CCDC171: variants seen among roughly 807,000 people sequenced by gnomAD.
CCDC171 encodes the protein coiled-coil domain containing 171, also known as coiled-coil domain-containing protein 171.
A neutral mutation model predicts 168.2 loss-of-function variants in CCDC171; 177 were observed. The observed-to-expected ratio is 1.05, with a 90% CI of 0.93 to 1.19. The LOEUF is 1.19. Ranked by LOEUF, CCDC171 falls within the 50% of genes most tolerant of loss-of-function variation. The pLI, the probability that CCDC171 is intolerant of heterozygous loss-of-function variation, is 0.00. For missense variants in CCDC171, 1,991 were observed against 1,539.0 expected (o/e 1.29, Z -4.91); for synonymous variants, 687 against 540.8 (o/e 1.27, Z -3.75).
chr9:15,556,746 T>G (rs1472002744), intron 1 of CCDC171, among the ~76,000 whole-genome samples: 2 of 151,718 alleles, frequency 1.3e-5, no homozygotes, highest in African/African-American at 4.8e-5. Context: ...TTAGTTTAAT[T>G]AGATCTCATT....
chr9:15,990,820 A>C (rs1832167892), intron 3 of CCDC171, among the ~76,000 whole-genome samples: 1 of 152,214 alleles, frequency 6.6e-6, no homozygotes, highest in Non-Finnish European at 1.5e-5. Context: ...AGATCAAAAG[A>C]GACAAAGAAG....
chr9:15,964,598 G>T (rs1830624891), intron 25 of CCDC171, among the ~76,000 whole-genome samples: 1 of 152,048 alleles, frequency 6.6e-6, no homozygotes, highest in African/African-American at 2.4e-5. Context: ...GGAAAAGAAA[G>T]AACAAAAGCC....
At chr9:15,675,843 G>A (rs200411515) in intron 9 of CCDC171, among the ~76,000 whole-genome samples, 11 of 151,906 alleles carry the variant, frequency 7.2e-5, no homozygotes, top group East Asian at 1.9e-4. Context: ...TCTGACAATC[G>A]TGCATCTTGG....
chr9:15,867,117 A>G (rs1186761004), intron 23 of CCDC171, among the ~76,000 whole-genome samples: 2 of 152,026 alleles, frequency 1.3e-5, no homozygotes, highest in Non-Finnish European at 1.5e-5. Context: ...ATGAATTTGC[A>G]GGTAATGTAA....
intron 1 of CCDC171, among the ~76,000 whole-genome samples, chr9:16,053,370 G>T (rs377496972): frequency 6.6e-6 from 1 of 152,218 alleles, no homozygotes; most frequent in Admixed American, 6.5e-5. Context: ...TGAGTTTTTG[G>T]TGTGGGAGGG....
Position 15,991,022 on chromosome 9 carries a change from CAG to C in CCDC171, n.369-29565_369-29564del, listed in dbSNP as rs1455599056. ...GTCAACATTAGACAGATCAACGAGA[CAG>C]AAAGTTAACAAGGATATCCAGGAAT... On this transcript the variant is annotated intron_variant and non_coding_transcript_variant, in intron 3 of 9. Transcript: ENST00000486641. 3.3e-5 allele frequency among the ~76,000 whole-genome samples: 5 copies of C among 152,152 alleles called. No homozygotes were observed. In the East Asian group the frequency reaches 7.7e-4, roughly 23 times the overall value.
intron 7 of CCDC171, among the ~76,000 whole-genome samples, chr9:15,632,373 A>T (rs1399866741): frequency 6.6e-6 from 1 of 151,966 alleles, no homozygotes; most frequent in Non-Finnish European, 1.5e-5. Flanking sequence ...CTTATACACC[A>T]ATAACAGACA....
At chr9:16,044,091 T>C (rs1034306325) in intron 1 of CCDC171, among the ~76,000 whole-genome samples, 2 of 152,164 alleles carry the variant, frequency 1.3e-5, no homozygotes, top group African/African-American at 4.8e-5. Flanking sequence ...GATCGATGTG[T>C]CTCCCCAATG....
At chr9:15,839,736 G>A (rs1251015425) in intron 21 of CCDC171, among the ~76,000 whole-genome samples, 1 of 152,116 alleles carries the variant, frequency 6.6e-6, no homozygotes. Context: ...TGTTCTGTGT[G>A]TACAAGAAAA....
intron 18 of CCDC171, chr9:15,776,435 T>C (rs1297949563): frequency 1.3e-5 from 2 of 152,246 alleles, no homozygotes; most frequent in African/African-American, 4.8e-5. Context: ...TATATTTATA[T>C]TCCTAGAAGT....
chr9:15,650,236 C>G (rs2047400896), intron 7 of CCDC171, among the ~76,000 whole-genome samples: 2 of 152,044 alleles, frequency 1.3e-5, no homozygotes, highest in African/African-American at 2.4e-5. Context: ...ACATCACACA[C>G]CGGGGCCTGT....
rs148534209 is a variant in CCDC171 at position 15,692,315 on chromosome 9, C to T, written c.1216-2920C>T. On this transcript the variant is annotated intron_variant, in intron 10 of 25. Coordinates refer to ENST00000380701, the MANE Select transcript of CCDC171 (RefSeq NM_173550.4). The stretch of plus-strand genomic sequence containing the variant: ...TTGAACCCAGGTGGTGGAGGTTGCA[C>T]TGAGCCGAGATTGTTCTACAACCTG... 1.8e-3 allele frequency among the ~76,000 whole-genome samples: 269 copies of T among 151,536 alleles called. 2 individuals carry two copies. Among genetic ancestry groups the T allele is most frequent in the African/African-American group, 6.1e-3 (252 of 41,262 alleles).
Position 15,701,515 on chromosome 9 carries a change from A to G in CCDC171, c.1318+6178A>G, listed in dbSNP as rs560579114. On this transcript the variant is annotated intron_variant, in intron 11 of 25. Coordinates refer to ENST00000380701, the MANE Select transcript of CCDC171 (RefSeq NM_173550.4). Reference sequence around the variant, plus strand: ...GCTCCGTCAGTTGACTCTTATTTTCATGAAAGAATTCTCTGTACCATGCCA... The same window carrying G: ...GCTCCGTCAGTTGACTCTTATTTTCGTGAAAGAATTCTCTGTACCATGCCA... Among the ~76,000 whole-genome samples, 413 of 151,298 alleles carry G rather than the reference A, an allele frequency of 2.7e-3. 2 individuals carry two copies. Among genetic ancestry groups the G allele is most frequent in the Non-Finnish European group, 4.5e-3 (308 of 67,922 alleles).
intron 6 of CCDC171, among the ~76,000 whole-genome samples, chr9:15,604,796 C>T (rs1205937486): frequency 3.3e-5 from 5 of 151,832 alleles, no homozygotes; most frequent in Non-Finnish European, 7.4e-5. Context: ...GAGGAAGTTA[C>T]GTGAAAAGAA....
In CCDC171 at chr9:15,786,056, G is replaced by T. The variant is rs187262890; in HGVS notation, c.3267+1362G>T. Among the ~76,000 whole-genome samples, 251 of 151,830 alleles carry T rather than the reference G, an allele frequency of 1.7e-3. 1 individual carries two copies. The highest frequency in any genetic ancestry group is 5.2e-3 in the African/African-American group (214 of 41,462). On this transcript the variant is annotated intron_variant, in intron 21 of 25. Transcript: ENST00000380701. ...AAATATAGATGTCCTTTACGAAGAG[G>T]AATAAACGACCAGGATGGTATTAGT...
chr9:15,664,766 T>A (rs1255854302), intron 8 of CCDC171, among the ~76,000 whole-genome samples: 1 of 144,384 alleles, frequency 6.9e-6, no homozygotes, highest in East Asian at 2.1e-4. Flanking sequence ...TGGCGTGATC[T>A]CGGCTCACTG....
At chr9:15,594,796 A>G (rs893905125) in intron 6 of CCDC171, among the ~76,000 whole-genome samples, 1 of 152,112 alleles carries the variant, frequency 6.6e-6, no homozygotes, top group Admixed American at 6.6e-5. Context: ...GATTATATGT[A>G]TTTATTTTGA....
intron 3 of CCDC171, among the ~76,000 whole-genome samples, chr9:16,012,480 G>A (rs1832895018): frequency 1.3e-5 from 2 of 151,212 alleles, no homozygotes; most frequent in African/African-American, 4.9e-5. Context: ...CTTAAGTGTT[G>A]TTAATTAGTT....
chr9:15,559,946 A>G (rs559115646), intron 1 of CCDC171, among the ~76,000 whole-genome samples: 3 of 152,034 alleles, frequency 2.0e-5, no homozygotes, highest in Non-Finnish European at 4.4e-5. Flanking sequence ...GAATCTCTCA[A>G]TATTTGTTTG....
Sources: allele counts gnomAD v4.1 joint callset (sites outside exome capture counted in the v4.1 genomes callset), GRCh38; gene constraint gnomAD v4.1.1; transcripts MANE v1.5; gene names NCBI Gene and HGNC (gene_info 2026-07-23, HGNC 2026-07-21).